GANC: variants seen among roughly 807,000 people sequenced by gnomAD.
GANC encodes neutral alpha-glucosidase C.
A neutral mutation model predicts 124.2 loss-of-function variants in GANC; 117 were observed. The ratio of observed to expected loss-of-function variants is 0.94; its 90% CI spans 0.81 to 1.10. The LOEUF (loss-of-function observed/expected upper bound fraction) is 1.10, where lower values mean the gene tolerates loss of function less well. Among genes scored for constraint, GANC ranks in the 50% least tolerant of loss-of-function variants. The pLI is 0.00. For synonymous variants in GANC, 377 were observed against 376.8 expected, an observed-to-expected ratio of 1.00 and a Z score of -0.01; for missense variants, 1,140 against 1,095.0, an observed-to-expected ratio of 1.04 and a Z score of -0.58.
intron 15 of GANC, among the ~76,000 whole-genome samples, chr15:42,336,151 A>G (rs1281194891): frequency 6.9e-6 from 1 of 144,956 alleles, no homozygotes; most frequent in Non-Finnish European, 1.5e-5. Flanking sequence ...AAAAAAAAAG[A>G]AAAAAAAAAG....
At chr15:42,338,796 C>A (rs182283128) in intron 16 of GANC, among the ~76,000 whole-genome samples, 25 of 110,864 alleles carry the variant, frequency 2.3e-4, no homozygotes, top group African/African-American at 6.5e-4. Flanking sequence ...TGACAGCTAT[C>A]TTTTCTTCTT....
chr15:42,345,512 C>T (rs1200441613), intron 19 of GANC, among the ~76,000 whole-genome samples: 1 of 152,198 alleles, frequency 6.6e-6, no homozygotes, highest in Non-Finnish European at 1.5e-5. Context: ...GTAGATTGTT[C>T]AGTCGGTAGC....
At position 42,273,228 on chromosome 15, in the gene GANC, T is replaced by A; in HGVS notation, c.-1254T>A. The stretch of plus-strand genomic sequence containing the variant: ...AGCCCCACCCCTTGCTCCTCTAGGT[T>A]CAGACGTTAGTGAAGTGAATACTCA... On this transcript the variant is annotated 5_prime_UTR_variant, in exon 1 of 24. Coordinates refer to ENST00000318010, the MANE Select transcript of GANC (RefSeq NM_198141.3). 6.2e-7 allele frequency: 1 copy of A among 1,613,646 alleles called. No homozygotes were observed. Among genetic ancestry groups the A allele is most frequent in the Non-Finnish European group, 8.5e-7 (1 of 1,179,720 alleles).
At chr15:42,306,489 G>A in intron 6 of GANC, 57 bp from the exon 7 acceptor site, 1 of 1,343,106 alleles carries the variant, frequency 7.4e-7, no homozygotes, top group Middle Eastern at 1.8e-4. Context: ...AGCTATTGTG[G>A]TAAACACATT....
rs772790344 is a variant in GANC at position 42,339,753 on chromosome 15, G to A, written c.1928G>A (p.Arg643His). The change falls in exon 17 of 24, where the codon CGT (arginine) becomes CAT (histidine). Residue 643 changes from arginine (R) to histidine (H), a missense_variant. By Grantham distance (29) the Arg-to-His change is conservative (BLOSUM62 0). Coordinates refer to ENST00000318010, the MANE Select transcript of GANC (RefSeq NM_198141.3). ...YQAGAYQPFF[R>H]GHATMNTKRR... ...GCTGGAGCCTACCAGCCCTTCTTCC[G>A]TGGCCATGCCACCATGAACACCAAG... The A allele has an allele frequency of 2.0e-5, 33 of 1,614,074 alleles. No homozygotes were observed. Among genetic ancestry groups the A allele is most frequent in the South Asian group, 7.7e-5 (7 of 91,076 alleles).
In GANC at chr15:42,315,719, A is replaced by G. The variant is rs139159520; in HGVS notation, c.1057+4873A>G. ...GTGAAAGTATTTTTTAATGAGATTAACATTTAAGTCAGTAGACTTTGAGGA... is the reference window on the plus strand; with the variant it reads ...GTGAAAGTATTTTTTAATGAGATTAGCATTTAAGTCAGTAGACTTTGAGGA... On this transcript the variant is annotated intron_variant, in intron 10 of 23. Transcript: ENST00000318010. Among the ~76,000 whole-genome samples, 624 of 152,318 alleles carry G rather than the reference A, an allele frequency of 4.1e-3. 4 individuals are homozygous for G. The highest frequency in any genetic ancestry group is 0.014 in the African/African-American group (595 of 41,562).
At chr15:42,276,322 A>G (rs1170102611) in intron 1 of GANC, 26 bp from the exon 2 acceptor site, 5 of 1,137,252 alleles carry the variant, frequency 4.4e-6, no homozygotes, top group Admixed American at 1.8e-5. Flanking sequence ...TGTGAAATAA[A>G]TTTCTCAAAA....
At chr15:42,348,880 A>G (rs1388370918) in intron 21 of GANC, among the ~76,000 whole-genome samples, 2 of 152,166 alleles carry the variant, frequency 1.3e-5, no homozygotes, top group East Asian at 1.9e-4. Context: ...GGGCCAAACT[A>G]TGGGTCCCAG....
At chr15:42,347,543 C>T (rs1219117247) in intron 20 of GANC, among the ~76,000 whole-genome samples, 2 of 152,136 alleles carry the variant, frequency 1.3e-5, no homozygotes, top group Non-Finnish European at 1.5e-5. Context: ...GATTTACCCT[C>T]AGAATTGAGT....
At chr15:42,340,000 T>C in intron 17 of GANC, 88 bp downstream of exon 17, 3 of 1,461,500 alleles carry the variant, frequency 2.1e-6, no homozygotes, top group Non-Finnish European at 2.8e-6. Context: ...ATTACAGTGA[T>C]TTCAAGAGAA....
At chr15:42,334,010 C>T (rs2052265824) in intron 15 of GANC, among the ~76,000 whole-genome samples, 1 of 152,022 alleles carries the variant, frequency 6.6e-6, no homozygotes, top group Non-Finnish European at 1.5e-5. Context: ...AATTTCTTTT[C>T]AGTAAATGGT....
At chr15:42,298,999 C>T (rs1017888547) in intron 6 of GANC, among the ~76,000 whole-genome samples, 7 of 152,252 alleles carry the variant, frequency 4.6e-5, no homozygotes, top group South Asian at 2.1e-4. Context: ...AAAATCATGT[C>T]GTCTACAAAC....
At chr15:42,306,343 A>G (rs1000802716) in intron 6 of GANC, among the ~76,000 whole-genome samples, 3 of 152,192 alleles carry the variant, frequency 2.0e-5, no homozygotes, top group Admixed American at 6.5e-5. Context: ...TATGTCAGCT[A>G]TGGCCCATAA....
chr15:42,275,764 T>C (rs1339214927), intron 1 of GANC, among the ~76,000 whole-genome samples: 1 of 152,134 alleles, frequency 6.6e-6, no homozygotes, highest in African/African-American at 2.4e-5. Context: ...AAGCAAGAAA[T>C]TCCCCTTCTA....
chr15:42,291,618 G>A (rs1051204692), intron 4 of GANC, among the ~76,000 whole-genome samples: 4 of 152,134 alleles, frequency 2.6e-5, no homozygotes, highest in African/African-American at 4.8e-5. Context: ...AAATGATGCC[G>A]TTAAAATGGT....
At chr15:42,297,698 C>G (rs1255422179) in intron 6 of GANC, 42 bp downstream of exon 6, 1 of 1,421,678 alleles carries the variant, frequency 7.0e-7, no homozygotes, top group Non-Finnish European at 9.9e-7. Context: ...TTTTCACCAT[C>G]ATCATCATGA....
chr15:42,326,632 A>G (rs1016813676), intron 12 of GANC, among the ~76,000 whole-genome samples: 5 of 152,198 alleles, frequency 3.3e-5, no homozygotes, highest in Non-Finnish European at 7.3e-5. Flanking sequence ...TTATCAATCA[A>G]TAATTGAATG....
At chr15:42,325,205 G>A (rs565527322) in intron 11 of GANC, among the ~76,000 whole-genome samples, 11 of 152,038 alleles carry the variant, frequency 7.2e-5, no homozygotes, top group Non-Finnish European at 1.2e-4. Context: ...CCCAGGAGGC[G>A]GAGGTTGCAA....
chr15:42,278,224 C>A, intron 2 of GANC: 1 of 259,832 alleles, frequency 3.8e-6, no homozygotes. Context: ...GCCCCACCAT[C>A]TCAAGAAAGA....
Sources: gnomAD v4.1 joint callset for allele counts (sites outside exome capture counted in the v4.1 genomes callset) on GRCh38, gnomAD v4.1.1 for gene constraint, MANE v1.5 for transcripts, NCBI Gene and HGNC (gene_info 2026-07-23, HGNC 2026-07-21) for gene names.